Variants in PRKCE observed in about 807,000 individuals in gnomAD.
The protein encoded by PRKCE is protein kinase C epsilon.
A neutral mutation model predicts 85.4 loss-of-function variants in PRKCE; 16 were observed. That is an observed-to-expected ratio of 0.19 (90% confidence interval 0.13 to 0.28). The LOEUF is 0.28. Ranked by LOEUF, PRKCE falls within the 10% of genes least tolerant of loss-of-function variation. PRKCE has a pLI of 1.00. For missense variants in PRKCE, 573 were observed against 975.2 expected, an observed-to-expected ratio of 0.59 and a Z score of 5.49; for synonymous variants, 388 against 371.5, an observed-to-expected ratio of 1.04 and a Z score of -0.51.
Position 46,151,938 on chromosome 2 carries a change from G to A in PRKCE, c.1920+709G>A, listed in dbSNP as rs180750490. 9.6e-4 allele frequency among the ~76,000 whole-genome samples: 146 copies of A among 152,342 alleles called. 2 individuals are homozygous for A. Among genetic ancestry groups the A allele is most frequent in the African/African-American group, 3.3e-3 (137 of 41,586 alleles). ...AAATCCGTGAAAGCTGAGGTACAGG[G>A]AAGTTAAGCAAGCAGTCTGCCCAGG... On this transcript the variant is annotated intron_variant, in intron 13 of 14. Transcript: ENST00000306156.
At chr2:46,148,446 G>A (rs1380475723) in intron 12 of PRKCE, among the ~76,000 whole-genome samples, 1 of 152,234 alleles carries the variant, frequency 6.6e-6, no homozygotes, top group Non-Finnish European at 1.5e-5. Flanking sequence ...GGTTTCCACA[G>A]CACCATCCAG....
At position 46,185,528 on chromosome 2, in the gene PRKCE, G is replaced by A. The variant is rs1056050794; in HGVS notation, c.*647G>A. 2 of 152,674 alleles carry A rather than the reference G, an allele frequency of 1.3e-5. No homozygotes were observed. The highest frequency in any genetic ancestry group is 4.8e-5 in the African/African-American group (2 of 41,460). 9.5% of individuals were successfully genotyped at this position (152,674 alleles called of 1,614,324 possible). ...TCATGTAAGTTTGTGTCTTGTGGAAGAAATCCTCTTTGTGGAAAAAGAAAC... is the reference window on the plus strand; with the variant it reads ...TCATGTAAGTTTGTGTCTTGTGGAAAAAATCCTCTTTGTGGAAAAAGAAAC... On this transcript the variant is annotated 3_prime_UTR_variant, in exon 15 of 15. Transcript: ENST00000306156. The surrounding 1 kb of genome is among the most constrained non-coding windows in gnomAD (Gnocchi z 4.7).
intron 2 of PRKCE, among the ~76,000 whole-genome samples, chr2:45,864,472 T>C (rs548895139): frequency 5.6e-4 from 81 of 144,294 alleles, no homozygotes; most frequent in African/African-American, 2.0e-3. Context: ...GAAAGAAACA[T>C]AAAACATTGT....
intron 1 of PRKCE, among the ~76,000 whole-genome samples, chr2:45,682,237 A>T (rs1346053284): frequency 6.6e-6 from 1 of 152,102 alleles, no homozygotes; most frequent in Non-Finnish European, 1.5e-5. Flanking sequence ...AGATAACATG[A>T]TTTCTAACTC....
chr2:45,796,667 C>T (rs1687463638), intron 1 of PRKCE, among the ~76,000 whole-genome samples: 1 of 152,154 alleles, frequency 6.6e-6, no homozygotes, highest in Non-Finnish European at 1.5e-5. Flanking sequence ...TGAGTAAATA[C>T]AGGTATGTCA....
intron 1 of PRKCE, among the ~76,000 whole-genome samples, chr2:45,721,631 G>GGAGGCT (rs1347881231): frequency 2.6e-5 from 4 of 152,148 alleles, no homozygotes; most frequent in Non-Finnish European, 5.9e-5. Flanking sequence ...CAGCGACTCT[G>GGAGGCT]GAGGCTGAGG....
intron 2 of PRKCE, among the ~76,000 whole-genome samples, chr2:45,929,785 G>A (rs973322937): frequency 2.7e-5 from 4 of 146,534 alleles, no homozygotes; most frequent in East Asian, 2.0e-4. Context: ...TGTGTTTCTC[G>A]TGTCTTCTTC....
At position 45,779,214 on chromosome 2, in the gene PRKCE, C is replaced by G. The variant is rs183454982; in HGVS notation, c.349-63786C>G. 1.8e-3 allele frequency among the ~76,000 whole-genome samples: 279 copies of G among 152,278 alleles called. 1 individual carries two copies. Among genetic ancestry groups the G allele is most frequent in the African/African-American group, 6.4e-3 (268 of 41,564 alleles). ...CTGTTTTCCTCTAAGAATGCGCTGTCCAGACACAGTGGCAAGGCGTAGTTA... is the reference window on the plus strand; with the variant it reads ...CTGTTTTCCTCTAAGAATGCGCTGTGCAGACACAGTGGCAAGGCGTAGTTA... On this transcript the variant is annotated intron_variant, in intron 1 of 14. Coordinates refer to ENST00000306156, the MANE Select transcript of PRKCE (RefSeq NM_005400.3).
intron 1 of PRKCE, among the ~76,000 whole-genome samples, chr2:45,703,696 C>G (rs1678875619): frequency 6.6e-6 from 1 of 152,076 alleles, no homozygotes; most frequent in South Asian, 2.1e-4. Context: ...CTTTATTGTC[C>G]TAAATAGACA....
chr2:45,984,944 C>A (rs1332962512), intron 6 of PRKCE, among the ~76,000 whole-genome samples: 1 of 152,062 alleles, frequency 6.6e-6, no homozygotes, highest in Non-Finnish European at 1.5e-5. Flanking sequence ...TCTGGGGAGA[C>A]AAAATGAGTC....
intron 2 of PRKCE, among the ~76,000 whole-genome samples, chr2:45,899,558 T>G (rs10193798): frequency 0.37 from 55,875 of 151,836 alleles, 10,824 homozygotes; most frequent in East Asian, 0.54. Flanking sequence ...ATTTTTGTAT[T>G]TTTTTGTAGA....
At chr2:45,654,698 A>G (rs1200114553) in intron 1 of PRKCE, among the ~76,000 whole-genome samples, 1 of 152,240 alleles carries the variant, frequency 6.6e-6, no homozygotes, top group East Asian at 1.9e-4. Context: ...AACTTGAGAT[A>G]GAGAAGCCCA....
chr2:45,938,730 C>CAAAT (rs58841751), intron 2 of PRKCE, among the ~76,000 whole-genome samples: 53,474 of 151,780 alleles, frequency 0.35, 9,689 homozygotes, highest in Middle Eastern at 0.51. Flanking sequence ...ACAAAGTAAA[C>CAAAT]AAATGTGCAA....
Position 46,068,199 on chromosome 2 carries a change from A to G in PRKCE, c.1438-18009A>G, listed in dbSNP as rs1667788196. Among the ~76,000 whole-genome samples the G allele has an allele frequency of 6.6e-6, 1 of 152,204 alleles. No homozygotes were observed. Among genetic ancestry groups the G allele is most frequent in the African/African-American group, 2.4e-5 (1 of 41,452 alleles). On this transcript the variant is annotated intron_variant, in intron 10 of 14. Transcript: ENST00000306156. This position sits in a 1 kb window ranked among gnomAD's most constrained non-coding sequence, Gnocchi z 4.3. ...GCTGGTCTGTATCCAGGATGAAAAA[A>G]ATAATCTATTTTGGTGAGCCACTTG...
At chr2:45,687,401 G>C (rs1007088725) in intron 1 of PRKCE, among the ~76,000 whole-genome samples, 1 of 152,148 alleles carries the variant, frequency 6.6e-6, no homozygotes, top group Non-Finnish European at 1.5e-5. Flanking sequence ...TTTATTAACT[G>C]TTAGAATGAT....
chr2:45,680,270 C>T (rs1676786347), intron 1 of PRKCE, among the ~76,000 whole-genome samples: 1 of 152,214 alleles, frequency 6.6e-6, no homozygotes, highest in African/African-American at 2.4e-5. Flanking sequence ...GGTCTAGCAG[C>T]AAGACTGGTT....
chr2:45,884,954 C>CATAT lies in PRKCE; in HGVS notation c.412+41936_412+41939dup, dbSNP rs745477412. Among the ~76,000 whole-genome samples, 128 of 37,490 alleles carry CATAT rather than the reference C, an allele frequency of 3.4e-3. 1 individual carries two copies. The highest frequency in any genetic ancestry group is 4.2e-3 in the Non-Finnish European group (88 of 20,894). The allele number at this position is 37,490 out of a possible 152,430, so 24.6% of individuals were successfully genotyped here. A position where few individuals can be genotyped will look rare whatever the true frequency, so the allele number is the denominator to read the frequency against. ...TGCGTGTGATCTGTTATATGTGATC[C>CATAT]ATATATATATATATATATATATATA... is the stretch of plus-strand genomic sequence containing the variant. On this transcript the variant is annotated intron_variant, in intron 2 of 14. Transcript: ENST00000306156.
intron 1 of PRKCE, among the ~76,000 whole-genome samples, chr2:45,787,719 A>G (rs1686716565): frequency 6.6e-6 from 1 of 152,112 alleles, no homozygotes; most frequent in Admixed American, 6.5e-5. Context: ...AACAGAAGAG[A>G]CCTGACAACT....
In PRKCE at chr2:45,880,226, C is replaced by T. The variant is rs536607478; in HGVS notation, c.412+37163C>T. ...TCTTTTTTATGGCTAAAGAGTGTTCCGTTATGTGTATGCACCACATTTTCT... is the reference window on the plus strand; with the variant it reads ...TCTTTTTTATGGCTAAAGAGTGTTCTGTTATGTGTATGCACCACATTTTCT... On this transcript the variant is annotated intron_variant, in intron 2 of 14. Coordinates refer to ENST00000306156, the MANE Select transcript of PRKCE (RefSeq NM_005400.3). Among the ~76,000 whole-genome samples, 40 of 152,276 alleles carry T rather than the reference C, an allele frequency of 2.6e-4. No homozygotes were observed. In the South Asian group the frequency reaches 6.4e-3, roughly 24 times the overall value.
Sources: allele counts gnomAD v4.1 joint callset (sites outside exome capture counted in the v4.1 genomes callset), GRCh38; gene constraint gnomAD v4.1.1; non-coding constraint Gnocchi (gnomAD v3.1); transcripts MANE v1.5; gene names NCBI Gene and HGNC (gene_info 2026-07-23, HGNC 2026-07-21).